CNOT1: variants seen among roughly 807,000 people sequenced by gnomAD.
CNOT1 encodes the protein CCR4-associated factor 1.
CNOT1 carries 15 observed loss-of-function variants against 273.8 expected under a neutral mutation model. The ratio of observed to expected loss-of-function variants is 0.05; its 90% confidence interval spans 0.04 to 0.08. The LOEUF is 0.08. Among genes scored for constraint, CNOT1 ranks in the 10% least tolerant of loss-of-function variants. CNOT1 has a pLI of 1.00. For synonymous variants in CNOT1, 1,022 were observed against 1,005.5 expected (o/e 1.02, Z -0.31); for missense variants, 1,644 against 2,912.2 (o/e 0.56, Z 10.02).
At chr16:58,555,964 A>AT (rs2040616030) in intron 19 of CNOT1, 56 bp from the exon 20 acceptor site, 1 of 1,595,548 alleles carries the variant, frequency 6.3e-7, no homozygotes, top group Non-Finnish European at 8.5e-7. Flanking sequence ...CCACTTCCCC[A>AT]TAAAACACAG....
At position 58,534,405 on chromosome 16, in the gene CNOT1, G is replaced by A. The variant is rs756833603; in HGVS notation, c.5647-10C>T. On this transcript the variant is annotated splice_polypyrimidine_tract_variant and intron_variant, in intron 39 of 48. Coordinates refer to ENST00000317147, the MANE Select transcript of CNOT1 (RefSeq NM_016284.5). ...TTCCTTGCTGGTGCATCTACAACAG[G>A]AACAAAAAATAAAGACACAATGAGG... The A allele has an allele frequency of 1.2e-6, 2 of 1,607,034 alleles. No homozygotes were observed. The highest frequency in any genetic ancestry group is 1.7e-6 in the Non-Finnish European group (2 of 1,176,104).
intron 15 of CNOT1, 71 bp downstream of exon 15, chr16:58,574,936 A>T: frequency 6.3e-7 from 1 of 1,578,372 alleles, no homozygotes; most frequent in East Asian, 2.2e-5. Flanking sequence ...ACAAATTTTA[A>T]AAGTTGTACT....
At chr16:58,629,190 G>A (rs2043714816) in intron 1 of CNOT1, among the ~76,000 whole-genome samples, 1 of 152,246 alleles carries the variant, frequency 6.6e-6, no homozygotes, top group Non-Finnish European at 1.5e-5. Context: ...CGTGCTGGGG[G>A]CGTAAGACGG....
intron 42 of CNOT1, chr16:58,530,775 ACT>A (rs2039754461): frequency 7.3e-6 from 1 of 136,662 alleles, no homozygotes; most frequent in African/African-American, 3.2e-5. Flanking sequence ...CAAGAGCAAA[ACT>A]CCATCAAAAA....
chr16:58,601,372 C>T (rs1005772791), intron 1 of CNOT1, among the ~76,000 whole-genome samples: 2 of 152,166 alleles, frequency 1.3e-5, no homozygotes, highest in African/African-American at 2.4e-5. Flanking sequence ...GCTGGGATTA[C>T]AGGCGTGAGC....
chr16:58,610,660 AG>A (rs2042864567), intron 1 of CNOT1, among the ~76,000 whole-genome samples: 1 of 151,944 alleles, frequency 6.6e-6, no homozygotes, highest in South Asian at 2.1e-4. Context: ...TGGCTAACAC[AG>A]TGAAACCCTG....
intron 16 of CNOT1, among the ~76,000 whole-genome samples, chr16:58,563,525 T>TA (rs2040934370): frequency 6.6e-6 from 1 of 152,238 alleles, no homozygotes; most frequent in East Asian, 1.9e-4. Flanking sequence ...TTGGTCTACT[T>TA]ATTTACTTTA....
At chr16:58,625,200 C>A (rs776283367) in intron 1 of CNOT1, among the ~76,000 whole-genome samples, 13 of 151,840 alleles carry the variant, frequency 8.6e-5, no homozygotes, top group Non-Finnish European at 1.6e-4. Context: ...AGATGGCCAA[C>A]ATGGTAAAAC....
At chr16:58,626,691 C>T (rs1480765545) in intron 1 of CNOT1, among the ~76,000 whole-genome samples, 2 of 150,920 alleles carry the variant, frequency 1.3e-5, no homozygotes, top group Non-Finnish European at 2.9e-5. Context: ...ACCCAGGAGG[C>T]GGAGGTTGTA....
At chr16:58,537,781 TG>T in intron 38 of CNOT1, 109 bp downstream of exon 38, 4 of 1,400,268 alleles carry the variant, frequency 2.9e-6, no homozygotes, top group Non-Finnish European at 3.9e-6. Context: ...CACCCATATG[TG>T]GTTGGTAAAG....
At chr16:58,582,729 T>A (rs1245645726) in intron 10 of CNOT1, 64 bp downstream of exon 10, 3 of 943,012 alleles carry the variant, frequency 3.2e-6, no homozygotes, top group African/African-American at 3.3e-5. Flanking sequence ...TCTTAAAAAT[T>A]TGCTTTCTTT....
At chr16:58,549,450 A>G (rs540893257) in intron 25 of CNOT1, among the ~76,000 whole-genome samples, 5 of 152,212 alleles carry the variant, frequency 3.3e-5, no homozygotes, top group Admixed American at 6.5e-5. Flanking sequence ...CTGCTTATGT[A>G]TAACAGTGGT....
At chr16:58,575,522 T>A (rs1371873573) in intron 14 of CNOT1, among the ~76,000 whole-genome samples, 1 of 152,110 alleles carries the variant, frequency 6.6e-6, no homozygotes, top group Non-Finnish European at 1.5e-5. Flanking sequence ...GTCTAGGCTG[T>A]ACGTGGTGGC....
At chr16:58,537,514 T>G (rs2039963747) in intron 38 of CNOT1, among the ~76,000 whole-genome samples, 1 of 152,254 alleles carries the variant, frequency 6.6e-6, no homozygotes, top group Admixed American at 6.5e-5. Flanking sequence ...CTATGTACCA[T>G]GCTTTCTTTA....
At chr16:58,629,417 C>A (rs772993454) in intron 1 of CNOT1, among the ~76,000 whole-genome samples, 107 of 152,172 alleles carry the variant, frequency 7.0e-4, no homozygotes, top group Non-Finnish European at 1.2e-3. Flanking sequence ...CCGCCGCTGC[C>A]GCCCCCTGAG....
intron 16 of CNOT1, among the ~76,000 whole-genome samples, chr16:58,564,952 T>A (rs560456147): frequency 6.6e-6 from 1 of 151,770 alleles, no homozygotes. Context: ...AATAAATAAA[T>A]AATAAATAAA....
chr16:58,627,630 G>T (rs907780273), intron 1 of CNOT1, among the ~76,000 whole-genome samples: 14 of 151,318 alleles, frequency 9.3e-5, no homozygotes. Flanking sequence ...AAGAGACTAG[G>T]ATCTAAACCC....
At chr16:58,560,383 T>A in intron 16 of CNOT1, 21 bp from the exon 17 acceptor site, 1 of 1,608,648 alleles carries the variant, frequency 6.2e-7, no homozygotes, top group Admixed American at 1.7e-5. Flanking sequence ...GGGGAAAAGG[T>A]AAAAAATATC....
At chr16:58,612,085 G>C (rs112298290) in intron 1 of CNOT1, among the ~76,000 whole-genome samples, 2 of 151,926 alleles carry the variant, frequency 1.3e-5, no homozygotes, top group Non-Finnish European at 2.9e-5. Context: ...CCTCCCACCT[G>C]AGCCTCCCAA....
Sources: allele counts gnomAD v4.1 joint callset (sites outside exome capture counted in the v4.1 genomes callset), GRCh38; gene constraint gnomAD v4.1.1; transcripts MANE v1.5; gene names NCBI Gene and HGNC (gene_info 2026-07-23, HGNC 2026-07-21).